The following WDFY4 variants were observed in gnomAD, a reference collection of about 807,000 sequenced individuals.
WDFY4 encodes the protein WD repeat- and FYVE domain-containing protein 4.
In WDFY4, 169 loss-of-function variants were observed where a neutral mutation model predicts 351.9. The ratio of observed to expected loss-of-function variants is 0.48; its 90% confidence interval spans 0.42 to 0.55. WDFY4 has a LOEUF of 0.55. WDFY4 is among the 20% of genes least tolerant of loss of function. WDFY4 has a pLI of 0.00. For synonymous variants in WDFY4, 1,622 were observed against 1,574.6 expected (o/e 1.03, Z -0.71); for missense variants, 3,803 against 3,935.6 (o/e 0.97, Z 0.90).
chr10:48,707,332 T>C (rs959129984), intron 1 of WDFY4, among the ~76,000 whole-genome samples: 1 of 152,176 alleles, frequency 6.6e-6, no homozygotes, highest in Non-Finnish European at 1.5e-5. Context: ...GATGGCCTGA[T>C]GCCCGCTTTC....
At chr10:48,811,740 A>C in intron 30 of WDFY4, 32 bp downstream of exon 30, 3 of 1,545,496 alleles carry the variant, frequency 1.9e-6, no homozygotes, top group Non-Finnish European at 1.8e-6. Flanking sequence ...AGGGTGACAC[A>C]CTTGGTTTTC....
At chr10:48,892,571 G>A (rs923889628) in intron 44 of WDFY4, among the ~76,000 whole-genome samples, 1 of 152,188 alleles carries the variant, frequency 6.6e-6, no homozygotes, top group African/African-American at 2.4e-5. Flanking sequence ...TAGCATTCCT[G>A]GAGATGCAGT....
At chr10:48,965,989 T>C (rs1317869191) in intron 54 of WDFY4, among the ~76,000 whole-genome samples, 1 of 152,180 alleles carries the variant, frequency 6.6e-6, no homozygotes, top group East Asian at 1.9e-4. Flanking sequence ...AGGCACAATC[T>C]GATGGCAGAG....
intron 19 of WDFY4, among the ~76,000 whole-genome samples, chr10:48,782,602 T>A (rs1260309588): frequency 6.6e-6 from 1 of 152,170 alleles, no homozygotes; most frequent in African/African-American, 2.4e-5. Flanking sequence ...TCTCAACAAG[T>A]TGGGTCAGGA....
At chr10:48,787,980 T>TCTCCTTCTCCTTCTCCTTCTC (rs1565199372) in intron 20 of WDFY4, among the ~76,000 whole-genome samples, 1 of 52,994 alleles carries the variant, frequency 1.9e-5, no homozygotes, top group Non-Finnish European at 3.9e-5. Context: ...TTCTTCTTCT[T>TCTCCTTCTCCTTCTCCTTCTC]CTTCTCCTTC....
At chr10:48,704,738 C>G (rs1043814077) in intron 1 of WDFY4, among the ~76,000 whole-genome samples, 4 of 152,220 alleles carry the variant, frequency 2.6e-5, no homozygotes, top group Non-Finnish European at 5.9e-5. Context: ...GGCTTCTGCT[C>G]TGGTCACCGA....
chr10:48,951,372 G>T (rs1841312966), intron 51 of WDFY4, among the ~76,000 whole-genome samples: 1 of 152,144 alleles, frequency 6.6e-6, no homozygotes, highest in Non-Finnish European at 1.5e-5. Context: ...CCAGGGCAGA[G>T]GGCTTATCTC....
At chr10:48,765,040 A>G (rs997522227) in intron 13 of WDFY4, among the ~76,000 whole-genome samples, 7 of 152,208 alleles carry the variant, frequency 4.6e-5, no homozygotes, top group Non-Finnish European at 8.8e-5. Context: ...CTATTTGGGG[A>G]CTCTGAATAG....
chr10:48,978,485 TC>T (rs1842672405), intron 60 of WDFY4, 92 bp downstream of exon 60: 1 of 1,256,786 alleles, frequency 8.0e-7, no homozygotes, highest in Non-Finnish European at 1.1e-6. Context: ...CTGCAGCTCC[TC>T]CCAGGTCTGC....
At chr10:48,753,751 T>C (rs1030152413) in intron 12 of WDFY4, among the ~76,000 whole-genome samples, 1 of 152,246 alleles carries the variant, frequency 6.6e-6, no homozygotes, top group Non-Finnish European at 1.5e-5. Context: ...GTTTTGATTA[T>C]GTAGCTTTGT....
chr10:48,932,596 G>T (rs1466985742), intron 47 of WDFY4: 2 of 151,640 alleles, frequency 1.3e-5, no homozygotes, highest in African/African-American at 4.8e-5. Context: ...AGTGAGCAAG[G>T]CTATACCTTT....
intron 51 of WDFY4, among the ~76,000 whole-genome samples, chr10:48,951,478 G>T (rs1841318871): frequency 6.6e-6 from 1 of 152,138 alleles, no homozygotes; most frequent in African/African-American, 2.4e-5. Context: ...ACAGTGGCAT[G>T]ATCATAGTTC....
At chr10:48,810,508 G>A (rs1467485867) in intron 28 of WDFY4, 22 bp from the exon 29 acceptor site, 4 of 1,545,448 alleles carry the variant, frequency 2.6e-6, no homozygotes, top group Non-Finnish European at 3.5e-6. Context: ...AGAGAACATT[G>A]GTTGCATTTA....
chr10:48,828,304 A>C (rs2068071112), intron 36 of WDFY4, among the ~76,000 whole-genome samples: 1 of 152,194 alleles, frequency 6.6e-6, no homozygotes. Flanking sequence ...AAAAATACCC[A>C]AAATTTCAAG....
At chr10:48,820,922 C>T (rs1403377369) in intron 33 of WDFY4, 140 bp from the exon 34 acceptor site, 3 of 646,158 alleles carry the variant, frequency 4.6e-6, no homozygotes, top group Non-Finnish European at 5.5e-6. Flanking sequence ...GGGTGGGCCC[C>T]CAGAGAAGGG....
chr10:48,961,541 A>G (rs1232594123), intron 53 of WDFY4, among the ~76,000 whole-genome samples: 1 of 152,222 alleles, frequency 6.6e-6, no homozygotes, highest in African/African-American at 2.4e-5. Context: ...GCTTTAGAAG[A>G]TGAGGCAGTT....
At chr10:48,766,544 T>C (rs2170130) in intron 13 of WDFY4, among the ~76,000 whole-genome samples, 4,546 of 152,166 alleles carry the variant, frequency 0.03, 215 homozygotes, top group African/African-American at 0.1. Flanking sequence ...GAGTGAGCCA[T>C]GATTGTGCCA....
At position 48,826,677 on chromosome 10, in the gene WDFY4, G is replaced by A; in HGVS notation, c.5989G>A (p.Glu1997Lys). The A allele has an allele frequency of 1.9e-6, 3 of 1,550,428 alleles. No homozygotes were observed. Among genetic ancestry groups the A allele is most frequent in the Non-Finnish European group, 2.6e-6 (3 of 1,145,826 alleles). The change falls in exon 36 of 62, where the codon GAG becomes AAG. Residue 1997 changes from glutamate (E) to lysine (K), a missense_variant. Transcript: ENST00000325239. ...TGTTTTTTTAATGACACAGGTCATTGAGACTGCCTCTTCTCAAAGGGACAC... is the reference window on the plus strand; with the variant it reads ...TGTTTTTTTAATGACACAGGTCATTAAGACTGCCTCTTCTCAAAGGGACAC... The part of the protein sequence containing the change: ...FILEHIMVVI[E>K]TASSQRDTVL...
At chr10:48,863,202 T>C (rs2069406786) in intron 39 of WDFY4, among the ~76,000 whole-genome samples, 1 of 152,242 alleles carries the variant, frequency 6.6e-6, no homozygotes, top group African/African-American at 2.4e-5. Flanking sequence ...TTATCTTGGG[T>C]GTATACCTGA....
Sources: allele counts gnomAD v4.1 joint callset (sites outside exome capture counted in the v4.1 genomes callset), GRCh38; gene constraint gnomAD v4.1.1; transcripts MANE v1.5; gene names NCBI Gene and HGNC (gene_info 2026-07-23, HGNC 2026-07-21).